Variants in RIN2 observed in about 807,000 individuals in gnomAD.
RIN2 encodes the protein Ras and Rab interactor 2.
Under a neutral mutation model 78.0 loss-of-function variants are expected in RIN2, and 36 were observed. The observed-to-expected ratio is 0.46, with a 90% CI of 0.35 to 0.61. The LOEUF is 0.61. RIN2 is among the 20% of genes least tolerant of loss of function. The pLI, the probability that RIN2 is intolerant of heterozygous loss-of-function variation, is 0.00. For synonymous variants in RIN2, 466 were observed against 466.8 expected, an observed-to-expected ratio of 1.00 and a Z score of 0.02; for missense variants, 1,087 against 1,159.7, an observed-to-expected ratio of 0.94 and a Z score of 0.91.
rs540886860 is a variant in RIN2 at position 19,957,655 on chromosome 20, C to T, written c.351+848C>T. ...TTGTGCCACTGCACTCCAGTCTGGG[C>T]GACAGAGCAAGAATCTGTCCCCCCC... On this transcript the variant is annotated intron_variant, in intron 5 of 12. Coordinates refer to ENST00000255006, the MANE Select transcript of RIN2 (RefSeq NM_018993.4). 2.4e-3 allele frequency among the ~76,000 whole-genome samples: 364 copies of T among 151,206 alleles called. 1 individual carries two copies. Among genetic ancestry groups the T allele is most frequent in the African/African-American group, 8.4e-3 (345 of 41,294 alleles).
chr20:19,814,470 A>T (rs536263992), intron 2 of RIN2, among the ~76,000 whole-genome samples: 67 of 152,060 alleles, frequency 4.4e-4, no homozygotes, highest in South Asian at 3.1e-3. Context: ...ATTGTCTAAC[A>T]TCATCACTGA....
chr20:19,868,361 G>A (rs571310656), intron 2 of RIN2, among the ~76,000 whole-genome samples: 25 of 152,266 alleles, frequency 1.6e-4, no homozygotes, highest in Admixed American at 1.2e-3. Context: ...TGAGTAACAG[G>A]GTAATTTTCC....
chr20:19,990,127 G>C lies in RIN2; in HGVS notation c.1884G>C (p.Leu628=). The change falls in exon 10 of 13, where the codon CTG becomes CTC. Residue 628 remains leucine (L), a synonymous_variant. Transcript: ENST00000255006. The part of the protein sequence containing the change: ...DGSWKQLKEN[L]QLVRQRNPQE... Reference sequence around the variant, plus strand: ...CATGGAAGCAACTCAAGGAGAACCTGCAGCTTGTGCGGCAGAGGAATCCGC... The same window carrying C: ...CATGGAAGCAACTCAAGGAGAACCTCCAGCTTGTGCGGCAGAGGAATCCGC... The C allele has an allele frequency of 6.2e-7, 1 of 1,601,984 alleles. No individual in the cohort carries two copies. Among genetic ancestry groups the C allele is most frequent in the African/African-American group, 1.3e-5 (1 of 74,888 alleles).
chr20:19,788,432 CAAAAAAA>C (rs1224663738), intron 1 of RIN2, among the ~76,000 whole-genome samples: 14 of 53,744 alleles, frequency 2.6e-4, no homozygotes, highest in Middle Eastern at 9.3e-3. Context: ...CTGTCTCTGC[CAAAAAAA>C]AAAAAAAAAA....
At chr20:19,949,601 G>A (rs747640364) in intron 4 of RIN2, among the ~76,000 whole-genome samples, 2 of 152,306 alleles carry the variant, frequency 1.3e-5, no homozygotes, top group East Asian at 1.9e-4. Flanking sequence ...AAATGGCCTC[G>A]CATCACATTT....
chr20:19,905,627 G>T (rs1328410317), intron 3 of RIN2, among the ~76,000 whole-genome samples: 2 of 152,168 alleles, frequency 1.3e-5, no homozygotes. Flanking sequence ...TGTGCCTGTA[G>T]TCCCAGGTGC....
In RIN2 at chr20:19,844,692, CTCTTCCTCTTCTTCTTCTTCTTCT is replaced by C. The variant is rs1467426818; in HGVS notation, c.-36-44868_-36-44845del. Among the ~76,000 whole-genome samples the C allele has an allele frequency of 4.1e-3, 482 of 117,682 alleles. 26 individuals carry two copies. The highest frequency in any genetic ancestry group is 8.4e-3 in the African/African-American group (251 of 30,014). The allele number at this position is 117,682 out of a possible 152,430, so 77.2% of individuals were successfully genotyped here. ...TTCCTTCTTCTTCTTCTTCCTCTTC[CTCTTCCTCTTCTTCTTCTTCTTCT>C]TCTTCTTCTTCTTCTTCTTCTTCTT... On this transcript the variant is annotated intron_variant, in intron 2 of 12. Coordinates refer to ENST00000255006, the MANE Select transcript of RIN2 (RefSeq NM_018993.4).
At chr20:19,848,462 G>C (rs1447983437) in intron 2 of RIN2, among the ~76,000 whole-genome samples, 3 of 150,868 alleles carry the variant, frequency 2.0e-5, no homozygotes, top group African/African-American at 7.3e-5. Context: ...CTTGAACCAG[G>C]GAGTCGGAGG....
chr20:19,924,497 A>C (rs922344879), intron 3 of RIN2, among the ~76,000 whole-genome samples: 96 of 53,724 alleles, frequency 1.8e-3, no homozygotes, highest in East Asian at 9.9e-3. Context: ...CCCCACCTTC[A>C]TACCCCCACC....
At chr20:19,779,009 A>G (rs916908166) in intron 1 of RIN2, among the ~76,000 whole-genome samples, 1 of 152,172 alleles carries the variant, frequency 6.6e-6, no homozygotes, top group African/African-American at 2.4e-5. Context: ...AAATGTCCAC[A>G]AGGAAATTAT....
intron 2 of RIN2, among the ~76,000 whole-genome samples, chr20:19,854,698 T>A (rs2037108455): frequency 6.6e-6 from 1 of 152,210 alleles, no homozygotes; most frequent in South Asian, 2.1e-4. Flanking sequence ...TATTGGTGTA[T>A]AAGAATGCTT....
rs995725146 is a variant in RIN2 at position 19,999,780 on chromosome 20, CTTTG to C, written c.2365-829_2365-826del. Among the ~76,000 whole-genome samples the C allele has an allele frequency of 4.1e-4, 63 of 152,296 alleles. 1 individual carries two copies. The highest frequency in any genetic ancestry group is 1.5e-3 in the African/African-American group (62 of 41,550). On this transcript the variant is annotated intron_variant, in intron 12 of 12. Coordinates refer to ENST00000255006, the MANE Select transcript of RIN2 (RefSeq NM_018993.4). ...TTGCAGCACCTGAGCCTGCAAACGT[CTTTG>C]TTTAATTCCCTGCAGCACCACCTTG...
intron 2 of RIN2, among the ~76,000 whole-genome samples, chr20:19,855,939 T>A (rs867762388): frequency 2.6e-5 from 4 of 152,108 alleles, no homozygotes; most frequent in Admixed American, 1.3e-4. Flanking sequence ...CAGGGTATGG[T>A]GGCAGGCACC....
At position 19,974,861 on chromosome 20, in the gene RIN2, T is replaced by C. The variant is rs2042219332; in HGVS notation, c.836T>C (p.Val279Ala). ...TTTATTAATCCCCTTTTCTTGAAAG[T>C]GCACAGCCAGGACCTCAGTGGAGGC... ...LCFINPLFLK[V>A]HSQDLSGGLK... Residue 279 changes from valine (V) to alanine (A), a missense_variant, in exon 9 of 13, where the codon GTG (valine) becomes GCG (alanine). Transcript: ENST00000255006. The C allele has an allele frequency of 1.2e-5, 19 of 1,613,970 alleles. No homozygotes were observed. The highest frequency in any genetic ancestry group is 1.7e-5 in the Admixed American group (1 of 60,024).
intron 3 of RIN2, among the ~76,000 whole-genome samples, chr20:19,919,090 G>C (rs796469019): frequency 3.3e-5 from 5 of 152,350 alleles, no homozygotes; most frequent in African/African-American, 1.2e-4. Flanking sequence ...CCAGGAAGCT[G>C]AGGTGGAGCA....
intron 1 of RIN2, among the ~76,000 whole-genome samples, chr20:19,793,406 T>C (rs1259687566): frequency 6.6e-6 from 1 of 152,196 alleles, no homozygotes; most frequent in African/African-American, 2.4e-5. Flanking sequence ...AGAGGGGCTT[T>C]CCTGTGATAA....
chr20:19,912,249 G>C (rs1229362682), intron 3 of RIN2, among the ~76,000 whole-genome samples: 2 of 152,106 alleles, frequency 1.3e-5, no homozygotes, highest in African/African-American at 2.4e-5. Context: ...CATTTCATAT[G>C]AGCATTGCTT....
In RIN2 at chr20:19,889,138, TC is replaced by T. The variant is rs1187991420; in HGVS notation, c.-36-427del. The T allele has an allele frequency of 7.1e-6, 7 of 985,312 alleles. No individual in the cohort carries two copies. In the African/African-American group the frequency reaches 1.2e-4, roughly 17 times the overall value. The allele number at this position is 985,312 out of a possible 1,614,324, so 61.0% of individuals were successfully genotyped here. On this transcript the variant is annotated intron_variant, in intron 2 of 12. Coordinates refer to ENST00000255006, the MANE Select transcript of RIN2 (RefSeq NM_018993.4). Reference sequence around the variant, plus strand: ...GAGGCCAGCAGAGCTAAGGATGACCTCACCCCCTTCCAGCAGGATTTCCTGG... The same window carrying T: ...GAGGCCAGCAGAGCTAAGGATGACCTACCCCCTTCCAGCAGGATTTCCTGG...
chr20:19,842,787 A>C (rs1027928891), intron 2 of RIN2, among the ~76,000 whole-genome samples: 2 of 152,042 alleles, frequency 1.3e-5, no homozygotes, highest in African/African-American at 4.8e-5. Flanking sequence ...TTTAAGAACT[A>C]CATTTTGTAA....
Sources: allele counts gnomAD v4.1 joint callset (sites outside exome capture counted in the v4.1 genomes callset), GRCh38; gene constraint gnomAD v4.1.1; transcripts MANE v1.5; gene names NCBI Gene and HGNC (gene_info 2026-07-23, HGNC 2026-07-21).